TENM3: variants seen among roughly 807,000 people sequenced by gnomAD.
TENM3 encodes the protein teneurin transmembrane protein 3, also known as teneurin-3.
TENM3 carries 63 observed loss-of-function variants against 255.1 expected under a neutral mutation model. The ratio of observed to expected loss-of-function variants is 0.25; its 90% CI spans 0.20 to 0.30. TENM3 has a LOEUF of 0.30. TENM3 is among the 10% of genes least tolerant of loss of function. TENM3 has a pLI of 1.00. For synonymous variants in TENM3, 1,306 were observed against 1,322.3 expected (o/e 0.99, Z 0.27); for missense variants, 2,929 against 3,461.1 (o/e 0.85, Z 3.86).
chr4:181,854,183 A>G, the TENM3 span, among the ~76,000 whole-genome samples: 1 of 152,194 alleles, frequency 6.6e-6, no homozygotes, highest in Non-Finnish European at 1.5e-5. Context: ...ATCAGTCACA[A>G]TTTATTTCAA....
At chr4:181,959,323 C>CACTG in the TENM3 span, among the ~76,000 whole-genome samples, 1 of 152,136 alleles carries the variant, frequency 6.6e-6, no homozygotes, top group Non-Finnish European at 1.5e-5. Context: ...CCGTCTCTCT[C>CACTG]ACTGACTGAC....
intron 3 of TENM3, among the ~76,000 whole-genome samples, chr4:182,576,188 C>A (rs774221137): frequency 6.6e-6 from 1 of 152,158 alleles, no homozygotes; most frequent in Non-Finnish European, 1.5e-5. Context: ...AGTTCCCTAG[C>A]AAAACCAAGT....
the TENM3 span, among the ~76,000 whole-genome samples, chr4:181,857,520 G>A: frequency 2.1e-5 from 3 of 139,866 alleles, no homozygotes; most frequent in African/African-American, 8.0e-5. Context: ...TTTGAGACAA[G>A]CCTAGCCAAC....
chr4:181,720,969 C>A, the TENM3 span, among the ~76,000 whole-genome samples: 1 of 152,004 alleles, frequency 6.6e-6, no homozygotes, highest in Admixed American at 6.6e-5. Context: ...GAGACTGATG[C>A]CAAAACAGGG....
At chr4:181,622,794 C>T in the TENM3 span, among the ~76,000 whole-genome samples, 1 of 152,086 alleles carries the variant, frequency 6.6e-6, no homozygotes, top group South Asian at 2.1e-4. Context: ...GCCTTTGGTG[C>T]CCAACCTTCC....
the TENM3 span, among the ~76,000 whole-genome samples, chr4:181,921,959 G>T: frequency 1.9e-3 from 290 of 152,210 alleles, 3 homozygotes; most frequent in Non-Finnish European, 3.3e-3. Context: ...GTTGAATTTT[G>T]TCAAAGGCCT....
intron 1 of TENM3, among the ~76,000 whole-genome samples, chr4:182,310,192 GA>G (rs1762363166): frequency 1.1e-5 from 1 of 87,578 alleles, no homozygotes; most frequent in African/African-American, 4.6e-5. Flanking sequence ...TGTTATTTCA[GA>G]AGCATATTTC....
the TENM3 span, among the ~76,000 whole-genome samples, chr4:181,601,545 A>T: frequency 6.6e-6 from 1 of 152,116 alleles, no homozygotes; most frequent in Non-Finnish European, 1.5e-5. Flanking sequence ...CTCTTCTTAT[A>T]AGGACATTGC....
At chr4:181,657,996 G>C in the TENM3 span, among the ~76,000 whole-genome samples, 1 of 152,116 alleles carries the variant, frequency 6.6e-6, no homozygotes, top group Non-Finnish European at 1.5e-5. Context: ...AAGGAGGGAG[G>C]AAGGGAGGGA....
At chr4:182,624,413 G>GCT (rs1213026136) in intron 4 of TENM3, among the ~76,000 whole-genome samples, 11 of 152,172 alleles carry the variant, frequency 7.2e-5, no homozygotes, top group Non-Finnish European at 1.6e-4. Context: ...TTGCCAGGTA[G>GCT]CTCTCTCTGC....
rs1359164331 is a variant in TENM3, at chr4:182,751,806, C to T, written c.3636C>T (p.Asn1212=). The T allele has an allele frequency of 1.9e-6, 3 of 1,612,840 alleles. No homozygotes were observed. The highest frequency in any genetic ancestry group is 1.7e-5 in the Admixed American group (1 of 60,002). ...TCTATGATCCTTTTCACAGCAGCAA[C>T]CCAGCTCATAGATACTACCTTGCAA... ...NVTSVLELSS[N]PAHRYYLATD... The change falls in exon 20 of 28, where the codon AAC becomes AAT. Residue 1212 remains asparagine, a synonymous_variant. Coordinates refer to ENST00000511685, the MANE Select transcript of TENM3 (RefSeq NM_001080477.4).
At chr4:182,283,182 T>C (rs1760507722) in intron 1 of TENM3, among the ~76,000 whole-genome samples, 1 of 152,224 alleles carries the variant, frequency 6.6e-6, no homozygotes, top group Admixed American at 6.5e-5. Flanking sequence ...AACGTTTATG[T>C]TTAATTGTGT....
chr4:182,649,688 T>TA (rs1753079618), intron 5 of TENM3, among the ~76,000 whole-genome samples: 1 of 150,542 alleles, frequency 6.6e-6, no homozygotes, highest in South Asian at 2.2e-4. Flanking sequence ...CATATTACTG[T>TA]AAAACTTTAG....
chr4:182,625,845 C>T (rs1750768030), intron 4 of TENM3, among the ~76,000 whole-genome samples: 1 of 152,172 alleles, frequency 6.6e-6, no homozygotes, highest in African/African-American at 2.4e-5. Context: ...GCCTCCTGCT[C>T]ACTCTTCATG....
At chr4:182,162,018 ATGTAT>A (rs150583435) in intron 1 of TENM3, among the ~76,000 whole-genome samples, 1,283 of 125,748 alleles carry the variant, frequency 0.01, 26 homozygotes, top group Non-Finnish European at 0.012. Flanking sequence ...ACATCCACTA[ATGTAT>A]TAGTCGGTTC....
intron 19 of TENM3, among the ~76,000 whole-genome samples, chr4:182,744,798 C>CT (rs1761884947): frequency 6.6e-6 from 1 of 152,124 alleles, no homozygotes; most frequent in African/African-American, 2.4e-5. Flanking sequence ...GAGGAAATGA[C>CT]TTTCTTCAAA....
At chr4:181,745,523 C>T in the TENM3 span, among the ~76,000 whole-genome samples, 1 of 152,252 alleles carries the variant, frequency 6.6e-6, no homozygotes, top group African/African-American at 2.4e-5. Flanking sequence ...GAAGGAAGAA[C>T]TGTTGAGGTT....
intron 3 of TENM3, among the ~76,000 whole-genome samples, chr4:182,476,783 C>T (rs961412268): frequency 5.3e-5 from 8 of 152,250 alleles, no homozygotes; most frequent in Non-Finnish European, 1.5e-5. Context: ...AACTTATTAT[C>T]GATGGGAGAA....
At chr4:182,591,647 G>A (rs934588143) in intron 3 of TENM3, among the ~76,000 whole-genome samples, 26 of 152,102 alleles carry the variant, frequency 1.7e-4, no homozygotes, top group African/African-American at 6.3e-4. Flanking sequence ...TTTAACCAAG[G>A]GCTTACAGAG....
Sources: allele counts gnomAD v4.1 joint callset (sites outside exome capture counted in the v4.1 genomes callset), GRCh38; gene constraint gnomAD v4.1.1; transcripts MANE v1.5; gene names NCBI Gene and HGNC (gene_info 2026-07-23, HGNC 2026-07-21).